Variants in IFIT1B observed in about 807,000 individuals in gnomAD.
The protein encoded by IFIT1B is interferon induced protein with tetratricopeptide repeats 1B, also known as protein IFIT1 homolog B.
Under a neutral mutation model 2.5 loss-of-function variants are expected in IFIT1B, and 3 were observed. The ratio of observed to expected loss-of-function variants is 1.21; its 90% CI spans 0.55 to 3.14. The LOEUF (loss-of-function observed/expected upper bound fraction) is 3.14. Ranked by LOEUF, IFIT1B falls within the 30% of genes most tolerant of loss-of-function variation. IFIT1B has a pLI of 0.03. For missense variants in IFIT1B, 545 were observed against 556.5 expected (o/e 0.98, Z 0.21); for synonymous variants, 196 against 203.0 (o/e 0.97, Z 0.29).
At chr10:89,380,978 A>C (rs752472770) in intron 1 of IFIT1B, among the ~76,000 whole-genome samples, 5 of 152,188 alleles carry the variant, frequency 3.3e-5, no homozygotes, top group Admixed American at 6.5e-5. Context: ...AGATTGTGTA[A>C]ATTGTGCACT....
Position 89,383,415 on chromosome 10 carries a change from T to G in IFIT1B, c.102T>G (p.Asp34Glu). The change falls in exon 2 of 2, where the codon GAT (aspartate) becomes GAG (glutamate). Residue 34 changes from aspartate to glutamate, a missense_variant. By Grantham distance (45) the Asp-to-Glu change is conservative. Coordinates refer to ENST00000371809, the MANE Select transcript of IFIT1B (RefSeq NM_001010987.2). The stretch of plus-strand genomic sequence containing the variant: ...TAATTGAAGCCCCTGAAATTCCTGA[T>G]TTAGAAAACAGGATCTGGGAAGAGA... ...KLLIEAPEIP[D>E]LENRIWEEIQ... 1 of 1,614,204 alleles carries G rather than the reference T, an allele frequency of 6.2e-7. No homozygotes were observed. Among genetic ancestry groups the G allele is most frequent in the Non-Finnish European group, 8.5e-7 (1 of 1,180,038 alleles).
intron 1 of IFIT1B, among the ~76,000 whole-genome samples, chr10:89,381,328 G>A (rs1399001364): frequency 6.6e-6 from 1 of 152,092 alleles, no homozygotes; most frequent in African/African-American, 2.4e-5. Flanking sequence ...TAGGGGTGGT[G>A]ACTATTTTCA....
intron 1 of IFIT1B, among the ~76,000 whole-genome samples, chr10:89,381,892 T>C (rs965653662): frequency 5.3e-5 from 8 of 152,132 alleles, no homozygotes; most frequent in African/African-American, 1.7e-4. Flanking sequence ...CTCAAGTGAT[T>C]CTTGTGCCTC....
At chr10:89,382,452 T>C (rs1367881835) in intron 1 of IFIT1B, among the ~76,000 whole-genome samples, 5 of 152,158 alleles carry the variant, frequency 3.3e-5, no homozygotes, top group Non-Finnish European at 7.4e-5. Context: ...CGTGAACTAT[T>C]GGGGAAAAAA....
intron 1 of IFIT1B, among the ~76,000 whole-genome samples, chr10:89,380,987 C>A (rs1167037390): frequency 6.6e-6 from 1 of 152,182 alleles, no homozygotes; most frequent in Non-Finnish European, 1.5e-5. Context: ...AAATTGTGCA[C>A]TTGAAATTCT....
At position 89,383,645 on chromosome 10, in the gene IFIT1B, T is replaced by A; in HGVS notation, c.332T>A (p.Leu111Ter). The part of the protein sequence containing the change: ...FAWVYYHMGR[L>*]AEAQTYLDKV... ...TGGGTGTATTACCACATGGGCAGAT[T>A]GGCAGAAGCCCAGACTTACCTGGAC... Residue 111 changes from leucine to a stop codon, truncating the protein, a stop_gained, in exon 2 of 2, where the codon TTG becomes TAG. Coordinates refer to ENST00000371809, the MANE Select transcript of IFIT1B (RefSeq NM_001010987.2). LOFTEE classifies it low-confidence loss of function (END_TRUNC). 2 of 1,614,256 alleles carry A rather than the reference T, an allele frequency of 1.2e-6. No individual in the cohort carries two copies. Among genetic ancestry groups the A allele is most frequent in the Non-Finnish European group, 1.7e-6 (2 of 1,180,042 alleles).
At chr10:89,382,702 G>C (rs1391383623) in intron 1 of IFIT1B, among the ~76,000 whole-genome samples, 1 of 152,182 alleles carries the variant, frequency 6.6e-6, no homozygotes. Flanking sequence ...CTTGTGAGGT[G>C]GTTCCACCCA....
chr10:89,379,008 T>C (rs924958601), intron 1 of IFIT1B, among the ~76,000 whole-genome samples: 23 of 152,192 alleles, frequency 1.5e-4, no homozygotes, highest in African/African-American at 4.1e-4. Context: ...TGAGATCCTT[T>C]TAATATACAA....
At chr10:89,381,287 G>A (rs1349841011) in intron 1 of IFIT1B, among the ~76,000 whole-genome samples, 1 of 152,050 alleles carries the variant, frequency 6.6e-6, no homozygotes, top group East Asian at 1.9e-4. Flanking sequence ...GGACGATTTG[G>A]GTCAAAAACT....
intron 1 of IFIT1B, among the ~76,000 whole-genome samples, chr10:89,382,937 G>T (rs1272728648): frequency 1.3e-5 from 2 of 152,228 alleles, no homozygotes; most frequent in Non-Finnish European, 2.9e-5. Context: ...CCACCTTTCT[G>T]TGAACCCTCT....
chr10:89,383,160 C>T (rs1235357074), intron 1 of IFIT1B, among the ~76,000 whole-genome samples, 159 bp from the exon 2 acceptor site: 1 of 152,220 alleles, frequency 6.6e-6, no homozygotes, highest in Non-Finnish European at 1.5e-5. Context: ...TCAACCTGTT[C>T]TCTTTCCTAA....
Position 89,383,380 on chromosome 10 carries a change from T to C in IFIT1B, c.67T>C (p.Trp23Arg), listed in dbSNP as rs1413562803. 1.2e-6 allele frequency: 2 copies of C among 1,614,206 alleles called. No homozygotes were observed. The highest frequency in any genetic ancestry group is 2.2e-5 in the East Asian group (1 of 44,886). ...SLIQLRCHFT[W>R]KLLIEAPEIP... ...GATTCAGCTGAGATGTCACTTTACA[T>C]GGAAGTTGTTAATTGAAGCCCCTGA... Residue 23 changes from tryptophan to arginine, a missense_variant, in exon 2 of 2, where the codon TGG becomes CGG. Coordinates refer to ENST00000371809, the MANE Select transcript of IFIT1B (RefSeq NM_001010987.2).
chr10:89,382,930 C>T (rs1844174013), intron 1 of IFIT1B, among the ~76,000 whole-genome samples: 1 of 152,222 alleles, frequency 6.6e-6, no homozygotes, highest in Non-Finnish European at 1.5e-5. Context: ...AAGGAACCCA[C>T]CTTTCTGTGA....
intron 1 of IFIT1B, among the ~76,000 whole-genome samples, chr10:89,379,578 G>C (rs1014525174): frequency 6.6e-6 from 1 of 152,160 alleles, no homozygotes; most frequent in Non-Finnish European, 1.5e-5. Context: ...CAGTCAGTGG[G>C]AGAGGAAGAA....
Position 89,383,953 on chromosome 10 carries a change from C to T in IFIT1B, c.640C>T (p.Pro214Ser), listed in dbSNP as rs781289875. Residue 214 changes from proline to serine, a missense_variant, in exon 2 of 2, where the codon CCA becomes TCA. Physicochemically the swap from Pro to Ser is moderately conservative, Grantham distance 74. Coordinates refer to ENST00000371809, the MANE Select transcript of IFIT1B (RefSeq NM_001010987.2). Reference protein sequence around the residue: ...HVLKRAVRLNPDDVYIRVLLA... With the variant: ...HVLKRAVRLNSDDVYIRVLLA... ...CCTAAAACGAGCTGTCAGGCTAAAT[C>T]CAGATGATGTATATATTAGGGTTCT... 1 of 1,614,124 alleles carries T rather than the reference C, an allele frequency of 6.2e-7. No homozygotes were observed. The highest frequency in any genetic ancestry group is 8.5e-7 in the Non-Finnish European group (1 of 1,180,024).
chr10:89,380,714 T>G (rs1844156386), intron 1 of IFIT1B, among the ~76,000 whole-genome samples: 1 of 152,204 alleles, frequency 6.6e-6, no homozygotes, highest in African/African-American at 2.4e-5. Flanking sequence ...ATTACAGGCA[T>G]TAGCCACCAC....
chr10:89,381,134 T>A (rs1419844646), intron 1 of IFIT1B, among the ~76,000 whole-genome samples: 1 of 152,196 alleles, frequency 6.6e-6, no homozygotes, highest in Non-Finnish European at 1.5e-5. Flanking sequence ...GCTGAGATGC[T>A]GAGATTGGGT....
At chr10:89,380,724 C>G (rs1034357149) in intron 1 of IFIT1B, among the ~76,000 whole-genome samples, 1 of 152,192 alleles carries the variant, frequency 6.6e-6, no homozygotes, top group Non-Finnish European at 1.5e-5. Flanking sequence ...TTAGCCACCA[C>G]GCTGGGGCCT....
Position 89,384,284 on chromosome 10 carries a change from T to G in IFIT1B, c.971T>G (p.Leu324Trp), listed in dbSNP as rs779937976. The G allele has an allele frequency of 6.2e-7, 1 of 1,614,220 alleles. No homozygotes were observed. The highest frequency in any genetic ancestry group is 8.5e-7 in the Non-Finnish European group (1 of 1,180,040). Residue 324 changes from leucine to tryptophan, a missense_variant, in exon 2 of 2, where the codon TTG becomes TGG. Physicochemically the swap from Leu to Trp is moderately conservative, Grantham distance 61 (BLOSUM62 -2). Transcript: ENST00000371809. ...DRETVDRLVQ[L>W]AICKFEKTIM... ...GAAACTGTGGACAGATTGGTTCAAT[T>G]GGCTATATGCAAATTTGAAAAGACT...
Sources: allele counts gnomAD v4.1 joint callset (sites outside exome capture counted in the v4.1 genomes callset), GRCh38; gene constraint gnomAD v4.1.1; transcripts MANE v1.5; gene names NCBI Gene and HGNC (gene_info 2026-07-23, HGNC 2026-07-21).